GFRA1: variants seen among roughly 807,000 people sequenced by gnomAD.
GFRA1 encodes GDNF family receptor alpha 1, also known as GDNF family receptor alpha-1.
A neutral mutation model predicts 51.6 loss-of-function variants in GFRA1; 16 were observed. The ratio of observed to expected loss-of-function variants is 0.31; its 90% CI spans 0.21 to 0.47. The LOEUF is 0.47. Among genes scored for constraint, GFRA1 ranks in the 20% least tolerant of loss-of-function variants. GFRA1 has a pLI of 1.00. For synonymous variants in GFRA1, 270 were observed against 241.3 expected, an observed-to-expected ratio of 1.12 and a Z score of -1.10; for missense variants, 530 against 594.3, an observed-to-expected ratio of 0.89 and a Z score of 1.13.
intron 4 of GFRA1, among the ~76,000 whole-genome samples, chr10:116,231,353 T>C (rs1175714748): frequency 1.3e-5 from 2 of 152,178 alleles, no homozygotes; most frequent in African/African-American, 4.8e-5. Context: ...ATGTCTTACA[T>C]GATAAGGTTA....
At chr10:116,210,061 A>G (rs947245097) in intron 5 of GFRA1, among the ~76,000 whole-genome samples, 15 of 152,212 alleles carry the variant, frequency 9.9e-5, no homozygotes, top group African/African-American at 3.6e-4. Context: ...GTAGATGATT[A>G]TAACTTTTGC....
intron 3 of GFRA1, 125 bp downstream of exon 3, chr10:116,270,697 G>A: frequency 1.3e-6 from 1 of 772,550 alleles, no homozygotes; most frequent in Non-Finnish European, 2.1e-6. Flanking sequence ...TGGGGGCCAA[G>A]GAAAGGTCCT....
chr10:116,085,600 C>T (rs888069093), intron 9 of GFRA1, among the ~76,000 whole-genome samples: 1 of 152,166 alleles, frequency 6.6e-6, no homozygotes, highest in African/African-American at 2.4e-5. Context: ...GAATTAGTCT[C>T]CTGGGAGCCC....
rs1049062955 is a variant in GFRA1, at chr10:116,232,836, G to A, written c.419-21191C>T. ...CAGGCTGAGGCCCCGTCTTTGATAA[G>A]CCCATTCAGAGATAACTGCAGGGAA... On this transcript the variant is annotated intron_variant, in intron 4 of 10. Coordinates refer to ENST00000355422, the MANE Select transcript of GFRA1 (RefSeq NM_005264.8). Among the ~76,000 whole-genome samples the A allele has an allele frequency of 2.6e-5, 4 of 152,128 alleles. No homozygotes were observed. The East Asian group carries it at 5.8e-4, about 22-fold the overall frequency.
chr10:116,132,499 T>C (rs951424332), intron 5 of GFRA1, among the ~76,000 whole-genome samples: 1 of 152,102 alleles, frequency 6.6e-6, no homozygotes, highest in Non-Finnish European at 1.5e-5. Context: ...GCCTACCTTA[T>C]TATTACTCTT....
At chr10:116,124,993 T>C (rs1957793833) in intron 6 of GFRA1, among the ~76,000 whole-genome samples, 1 of 152,124 alleles carries the variant, frequency 6.6e-6, no homozygotes, top group African/African-American at 2.4e-5. Context: ...CCTCAAAGCA[T>C]TCTCAGGTTA....
intron 5 of GFRA1, among the ~76,000 whole-genome samples, chr10:116,157,857 A>G (rs1243220780): frequency 2.0e-5 from 3 of 152,182 alleles, no homozygotes; most frequent in Non-Finnish European, 2.9e-5. Context: ...CCACTGTCCA[A>G]TTTTTTGTCC....
At chr10:116,237,773 C>A (rs1967008702) in intron 4 of GFRA1, among the ~76,000 whole-genome samples, 1 of 152,170 alleles carries the variant, frequency 6.6e-6, no homozygotes. Flanking sequence ...TTAATCCCAA[C>A]TAAGCCCTGG....
intron 9 of GFRA1, among the ~76,000 whole-genome samples, chr10:116,077,845 T>G (rs371648803): frequency 6.6e-6 from 1 of 152,208 alleles, no homozygotes; most frequent in Non-Finnish European, 1.5e-5. Flanking sequence ...TTTTGCCAAG[T>G]TCCTGCAACC....
intron 9 of GFRA1, among the ~76,000 whole-genome samples, chr10:116,069,973 G>A (rs1465070777): frequency 1.3e-5 from 2 of 152,148 alleles, no homozygotes; most frequent in Non-Finnish European, 2.9e-5. Context: ...AGAGAAGCCA[G>A]TATTTAAGCT....
chr10:116,250,215 A>G (rs1264633689), intron 4 of GFRA1, among the ~76,000 whole-genome samples: 1 of 152,206 alleles, frequency 6.6e-6, no homozygotes, highest in Non-Finnish European at 1.5e-5. Context: ...CTCTGACAAT[A>G]GTACAGATGT....
intron 4 of GFRA1, among the ~76,000 whole-genome samples, chr10:116,216,113 C>G (rs1026082428): frequency 2.0e-5 from 3 of 152,138 alleles, no homozygotes; most frequent in Admixed American, 6.5e-5. Context: ...TGCACTGAGT[C>G]CTCCAGAGAC....
chr10:116,202,462 C>T (rs1298179053), intron 5 of GFRA1, among the ~76,000 whole-genome samples: 3 of 152,234 alleles, frequency 2.0e-5, no homozygotes, highest in South Asian at 4.1e-4. Context: ...TGCCTCTCCC[C>T]ACACACACCA....
intron 4 of GFRA1, among the ~76,000 whole-genome samples, chr10:116,218,439 T>C (rs1439676629): frequency 2.6e-5 from 4 of 152,188 alleles, no homozygotes; most frequent in African/African-American, 9.7e-5. Flanking sequence ...AGAGTTCCAT[T>C]GCTTTATTAA....
intron 5 of GFRA1, among the ~76,000 whole-genome samples, chr10:116,211,373 C>G (rs1316451861): frequency 6.6e-6 from 1 of 152,200 alleles, no homozygotes; most frequent in Non-Finnish European, 1.5e-5. Flanking sequence ...CCACAGACCC[C>G]TCTCCAAGCG....
At chr10:116,076,090 A>C (rs898975079) in intron 9 of GFRA1, among the ~76,000 whole-genome samples, 1 of 151,968 alleles carries the variant, frequency 6.6e-6, no homozygotes, top group Non-Finnish European at 1.5e-5. Context: ...AAAACAAAGG[A>C]CGGTATTGCC....
intron 7 of GFRA1, among the ~76,000 whole-genome samples, 165 bp downstream of exon 7, chr10:116,096,490 T>C (rs1008379230): frequency 8.6e-5 from 8 of 92,824 alleles, no homozygotes; most frequent in East Asian, 2.5e-4. Context: ...TTCTTTTTTT[T>C]TTCTTTTTTT....
intron 9 of GFRA1, among the ~76,000 whole-genome samples, chr10:116,082,784 C>A (rs1039982978): frequency 6.6e-6 from 1 of 151,632 alleles, no homozygotes; most frequent in Non-Finnish European, 1.5e-5. Flanking sequence ...AGCCTCAAAC[C>A]CTTCTTATTA....
intron 5 of GFRA1, among the ~76,000 whole-genome samples, chr10:116,162,403 A>AG: frequency 6.6e-6 from 1 of 152,292 alleles, no homozygotes; most frequent in East Asian, 1.9e-4. Context: ...GGGTGGCTGG[A>AG]GGACTGGGGC....
Sources: gnomAD v4.1 joint callset for allele counts (sites outside exome capture counted in the v4.1 genomes callset) on GRCh38, gnomAD v4.1.1 for gene constraint, MANE v1.5 for transcripts, NCBI Gene and HGNC (gene_info 2026-07-23, HGNC 2026-07-21) for gene names.